The following LRCH3 variants were observed in gnomAD, a reference collection of about 807,000 sequenced individuals.
LRCH3 encodes the protein leucine rich repeats and calponin homology domain containing 3, also known as DISP complex protein LRCH3.
In LRCH3, 68 loss-of-function variants were observed where a neutral mutation model predicts 104.5. That is an observed-to-expected ratio of 0.65 (90% CI 0.54 to 0.80). The LOEUF (loss-of-function observed/expected upper bound fraction) is 0.80, where lower values mean the gene tolerates loss of function less well. Ranked by LOEUF, LRCH3 falls within the 30% of genes least tolerant of loss-of-function variation. The pLI, the probability that LRCH3 is intolerant of heterozygous loss-of-function variation, is 0.00. For missense variants in LRCH3, 951 were observed against 953.9 expected (o/e 1.00, Z 0.04); for synonymous variants, 344 against 361.3 (o/e 0.95, Z 0.54).
chr3:197,832,457 G>T (rs958362276), intron 8 of LRCH3, 140 bp downstream of exon 8: 31 of 770,978 alleles, frequency 4.0e-5, no homozygotes, highest in Non-Finnish European at 3.8e-6. Context: ...ATATATGATT[G>T]AAAAATACTA....
chr3:197,802,926 T>G (rs767038551), intron 1 of LRCH3, among the ~76,000 whole-genome samples: 58 of 152,212 alleles, frequency 3.8e-4, no homozygotes, highest in Non-Finnish European at 6.5e-4. Context: ...GGAGTTTCAA[T>G]CAGAACATTC....
chr3:197,837,947 C>T (rs1025216209), intron 9 of LRCH3, among the ~76,000 whole-genome samples: 1 of 152,036 alleles, frequency 6.6e-6, no homozygotes, highest in Non-Finnish European at 1.5e-5. Flanking sequence ...GTAATCCCAG[C>T]CACTCGGGAG....
chr3:197,799,154 G>T (rs1023950640), intron 1 of LRCH3, among the ~76,000 whole-genome samples: 2 of 152,208 alleles, frequency 1.3e-5, no homozygotes, highest in Non-Finnish European at 2.9e-5. Flanking sequence ...GGAGTTCCCA[G>T]GTTCCAGTTC....
At chr3:197,866,085 C>A (rs574156092) in intron 16 of LRCH3, 27 bp from the exon 17 acceptor site, 1 of 1,514,440 alleles carries the variant, frequency 6.6e-7, no homozygotes, top group Non-Finnish European at 9.2e-7. Context: ...CTCCTTTAAT[C>A]TCATTTTATT....
chr3:197,844,069 G>A (rs1738227287), intron 10 of LRCH3, among the ~76,000 whole-genome samples: 1 of 152,200 alleles, frequency 6.6e-6, no homozygotes, highest in South Asian at 2.1e-4. Flanking sequence ...ACCTGAAAAA[G>A]AGCAAACATT....
chr3:197,807,050 AC>A (rs1402793400), intron 1 of LRCH3, among the ~76,000 whole-genome samples: 17 of 143,856 alleles, frequency 1.2e-4, no homozygotes, highest in East Asian at 4.2e-4. Context: ...AAAAAAAAAA[AC>A]AAACAAACAT....
At chr3:197,843,707 A>G (rs934874080) in intron 10 of LRCH3, among the ~76,000 whole-genome samples, 5 of 152,166 alleles carry the variant, frequency 3.3e-5, no homozygotes, top group African/African-American at 1.2e-4. Context: ...TCTGCCTTAT[A>G]GAGATAAAAG....
chr3:197,838,278 G>A (rs1222271497), intron 9 of LRCH3, among the ~76,000 whole-genome samples: 1 of 152,162 alleles, frequency 6.6e-6, no homozygotes, highest in Non-Finnish European at 1.5e-5. Flanking sequence ...TTTTAAAATG[G>A]TGTCTTCACT....
At position 197,847,957 on chromosome 3, in the gene LRCH3, A is replaced by T. The variant is rs1156567165; in HGVS notation, c.1466A>T (p.Gln489Leu). 3.1e-6 allele frequency: 5 copies of T among 1,614,182 alleles called. No individual in the cohort carries two copies. Among genetic ancestry groups the T allele is most frequent in the Non-Finnish European group, 4.2e-6 (5 of 1,180,016 alleles). The change falls in exon 12 of 21, where the codon CAG becomes CTG. Residue 489 changes from glutamine to leucine, a missense_variant. By Grantham distance (113) the Gln-to-Leu change is moderately radical. Coordinates refer to ENST00000425562, the MANE Select transcript of LRCH3 (RefSeq NM_001365715.1). ...AGAGAGGCTCAGCTTGCTGCCCTGC[A>T]GTATGAGGAGGAGAAAATAAGGACC... ...TRREAQLAAL[Q>L]YEEEKIRTKQ...
At chr3:197,850,586 A>G in intron 12 of LRCH3, 7 of 1,586,128 alleles carry the variant, frequency 4.4e-6, no homozygotes, top group African/African-American at 1.3e-5. Context: ...GGCACATCTC[A>G]GGTGCTTTGT....
At chr3:197,880,911 CAA>C (rs1352236868) in intron 20 of LRCH3, 30 of 1,423,392 alleles carry the variant, frequency 2.1e-5, no homozygotes, top group East Asian at 7.6e-5. Context: ...CGATTGCTAA[CAA>C]AGAGTAAAAG....
Position 197,832,326 on chromosome 3 carries a change from A to C in LRCH3, c.1102+9A>C, listed in dbSNP as rs371188822. 1.2e-6 allele frequency: 2 copies of C among 1,612,354 alleles called. No individual in the cohort carries two copies. The highest frequency in any genetic ancestry group is 1.7e-6 in the Non-Finnish European group (2 of 1,178,904). On this transcript the variant is annotated intron_variant, in intron 8 of 20. Transcript: ENST00000425562. ...AGTAACAAACGGCGGAGGTAAACAT[A>C]ATTCCGGTGACAGCTAAAGTGTTTG...
intron 9 of LRCH3, among the ~76,000 whole-genome samples, chr3:197,838,145 C>T (rs1428909384): frequency 6.6e-6 from 1 of 151,674 alleles, no homozygotes; most frequent in East Asian, 1.9e-4. Context: ...TGTAGCTTGG[C>T]CTGGTGGCTC....
chr3:197,884,621 G>A lies in LRCH3; in HGVS notation c.*955G>A, dbSNP rs1714058365. On this transcript the variant is annotated 3_prime_UTR_variant, in exon 21 of 21. Transcript: ENST00000425562. ...CATTGCACGTGTTTTTCATGTAGTG[G>A]AACCACTGTTCAAAGCTAGATATTT... 6.6e-6 allele frequency: 1 copy of A among 152,360 alleles called. No homozygotes were observed. The highest frequency in any genetic ancestry group is 1.5e-5 in the Non-Finnish European group (1 of 68,144). 9.4% of individuals were successfully genotyped at this position (152,360 alleles called of 1,614,324 possible). A position where few individuals can be genotyped will look rare whatever the true frequency, so the allele number is the denominator to read the frequency against.
At chr3:197,828,167 A>G (rs1012053490) in intron 5 of LRCH3, among the ~76,000 whole-genome samples, 6 of 151,866 alleles carry the variant, frequency 4.0e-5, no homozygotes, top group African/African-American at 7.3e-5. Flanking sequence ...GATCATTGTT[A>G]TTATAACCTT....
chr3:197,853,613 C>T (rs1476124413), intron 13 of LRCH3, among the ~76,000 whole-genome samples: 1 of 152,146 alleles, frequency 6.6e-6, no homozygotes, highest in East Asian at 1.9e-4. Flanking sequence ...TGGGGCTTTA[C>T]AAGCAACAAT....
chr3:197,876,668 A>G (rs984000330), intron 20 of LRCH3, among the ~76,000 whole-genome samples: 1 of 152,178 alleles, frequency 6.6e-6, no homozygotes, highest in African/African-American at 2.4e-5. Flanking sequence ...TATTTTGTCT[A>G]TAGCCTGCAA....
intron 5 of LRCH3, among the ~76,000 whole-genome samples, chr3:197,828,688 C>G (rs1452850173): frequency 7.0e-6 from 1 of 142,852 alleles, no homozygotes; most frequent in Non-Finnish European, 1.5e-5. Flanking sequence ...CGATTTTGTA[C>G]AAGCATATGT....
At chr3:197,831,656 T>G (rs1440110843) in intron 7 of LRCH3, among the ~76,000 whole-genome samples, 1 of 152,170 alleles carries the variant, frequency 6.6e-6, no homozygotes, top group African/African-American at 2.4e-5. Context: ...TCTTTTATAT[T>G]TTTTGAGACA....
Sources: allele counts gnomAD v4.1 joint callset (sites outside exome capture counted in the v4.1 genomes callset), GRCh38; gene constraint gnomAD v4.1.1; transcripts MANE v1.5; gene names NCBI Gene and HGNC (gene_info 2026-07-23, HGNC 2026-07-21).